RARG: variants seen among roughly 807,000 people sequenced by gnomAD.
RARG encodes RAR-gamma.
In RARG, 17 loss-of-function variants were observed where a neutral mutation model predicts 43.7. That is an observed-to-expected ratio of 0.39 (90% CI 0.27 to 0.58). The LOEUF is 0.58. Among genes scored for constraint, RARG ranks in the 20% least tolerant of loss-of-function variants. The probability of loss-of-function intolerance (pLI) is 0.57; values close to 1 mark genes in which losing one functional copy is unlikely to be tolerated. For synonymous variants in RARG, 238 were observed against 236.4 expected, an observed-to-expected ratio of 1.01 and a Z score of -0.06; for missense variants, 346 against 598.7, an observed-to-expected ratio of 0.58 and a Z score of 4.40.
Position 53,215,385 on chromosome 12 carries a change from C to T in RARG, c.383G>A (p.Arg128His), listed in dbSNP as rs141058411. 97 of 1,613,964 alleles carry T rather than the reference C, an allele frequency of 6.0e-5. No homozygotes were observed. Among genetic ancestry groups the T allele is most frequent in the Non-Finnish European group, 7.1e-5 (84 of 1,180,002 alleles). ...IQKNMVYTCH[R>H]DKNCIINKVT... ...CTTGTTGATGATACAGTTTTTGTCG[C>T]GGTGACACGTGTACACCATGTTCTT... Residue 128 changes from arginine (R) to histidine (H), a missense_variant, in exon 5 of 10, where the codon CGC becomes CAC. Arg to His is a conservative substitution (Grantham distance 29, BLOSUM62 0). Transcript: ENST00000425354. This position sits in a 1 kb window ranked among gnomAD's most constrained non-coding sequence, Gnocchi z 6.4.
chr12:53,218,502 A>C (rs1942842124), intron 3 of RARG, among the ~76,000 whole-genome samples: 1 of 152,142 alleles, frequency 6.6e-6, no homozygotes, highest in African/African-American at 2.4e-5. Context: ...ATGAGAGGAA[A>C]GTTAAGAATT....
In RARG at chr12:53,213,833, G is replaced by A; in HGVS notation, c.814-133C>T. ...CAGGCATGGAGAAGGCAGAGGTGGAGGATCTGAGGCTTGGCAGGGGTAGTC... is the reference window on the plus strand; with the variant it reads ...CAGGCATGGAGAAGGCAGAGGTGGAAGATCTGAGGCTTGGCAGGGGTAGTC... On this transcript the variant is annotated intron_variant, in intron 7 of 9. Coordinates refer to ENST00000425354, the MANE Select transcript of RARG (RefSeq NM_000966.6). The surrounding 1 kb of genome is among the most constrained non-coding windows in gnomAD (Gnocchi z 4.7). 1 of 1,144,946 alleles carries A rather than the reference G, an allele frequency of 8.7e-7. No homozygotes were observed. The highest frequency in any genetic ancestry group is 2.4e-5 in the East Asian group (1 of 41,604). 70.9% of individuals were successfully genotyped at this position (1,144,946 alleles called of 1,614,324 possible).
At chr12:53,225,905 G>A (rs1005728144) in intron 3 of RARG, among the ~76,000 whole-genome samples, 13 of 152,228 alleles carry the variant, frequency 8.5e-5, no homozygotes, top group African/African-American at 2.9e-4. Flanking sequence ...GACCTGCAGG[G>A]AGAGGAGGAG....
rs145437117 is a variant in RARG at position 53,220,423 on chromosome 12, G to A, written c.185-4629C>T. ...TGGGGGGTGGGGCTTGGAGAGCGAA[G>A]GGGGCCGGGCACCGAGATGAGCAAA... On this transcript the variant is annotated intron_variant, in intron 3 of 9. Coordinates refer to ENST00000425354, the MANE Select transcript of RARG (RefSeq NM_000966.6). The A allele has an allele frequency of 1.3e-3, 865 of 661,290 alleles. 11 individuals carry two copies. In the African/African-American group the frequency reaches 0.016, roughly 12 times the overall value. 41.0% of individuals were successfully genotyped at this position (661,290 alleles called of 1,614,324 possible).
In RARG at chr12:53,211,493, G is replaced by T. The variant is rs903289047; in HGVS notation, c.*183C>A. Reference sequence around the variant, plus strand: ...GGCCCCCGGGACTGGCGAGGGAGCCGGTTAGATCAGGAAGGGGATGAACAC... The same window carrying T: ...GGCCCCCGGGACTGGCGAGGGAGCCTGTTAGATCAGGAAGGGGATGAACAC... On this transcript the variant is annotated 3_prime_UTR_variant, in exon 10 of 10. Transcript: ENST00000425354. This position sits in a 1 kb window ranked among gnomAD's most constrained non-coding sequence, Gnocchi z 4.6. The T allele has an allele frequency of 1.9e-6, 1 of 517,172 alleles. No individual in the cohort carries two copies. The highest frequency in any genetic ancestry group is 2.0e-5 in the African/African-American group (1 of 50,210). The allele number at this position is 517,172 out of a possible 1,614,324, so 32.0% of individuals were successfully genotyped here.
chr12:53,218,142 A>T lies in RARG; in HGVS notation c.185-2348T>A, dbSNP rs952550765. Among the ~76,000 whole-genome samples, 4 of 152,142 alleles carry T rather than the reference A, an allele frequency of 2.6e-5. No homozygotes were observed. In the South Asian group the frequency reaches 6.2e-4, roughly 24 times the overall value. On this transcript the variant is annotated intron_variant, in intron 3 of 9. Transcript: ENST00000425354. ...CACAAGGGAACAGCCCTACCACCAG[A>T]CAAACACCCCAGCCTGCCAACGCAG...
chr12:53,220,371 CTTTTTTAAAAGCGAAG>C, intron 3 of RARG: 2 of 1,177,000 alleles, frequency 1.7e-6, no homozygotes, highest in African/African-American at 1.9e-5. Flanking sequence ...CTGGGGAGAC[CTTTTTTAAAAGCGAAG>C]CCTGGAGGGG....
At position 53,213,263 on chromosome 12, in the gene RARG, G is replaced by C; in HGVS notation, c.1019-20C>G. 1 of 1,544,078 alleles carries C rather than the reference G, an allele frequency of 6.5e-7. No homozygotes were observed. ...TGCGGTCTATGGGGACAAGTATACT[G>C]GAGTGAGAGGGGAAGGAAGAGATGG... On this transcript the variant is annotated intron_variant, in intron 8 of 9. Transcript: ENST00000425354. The surrounding 1 kb of genome is among the most constrained non-coding windows in gnomAD (Gnocchi z 4.7).
chr12:53,218,797 G>A (rs1592436193), intron 3 of RARG, among the ~76,000 whole-genome samples: 1 of 139,036 alleles, frequency 7.2e-6, no homozygotes, highest in African/African-American at 2.6e-5. Flanking sequence ...CCGCCGCCCC[G>A]CCCGCTGCCC....
chr12:53,224,013 T>C (rs1179958288), intron 3 of RARG, among the ~76,000 whole-genome samples: 1 of 152,142 alleles, frequency 6.6e-6, no homozygotes, highest in Non-Finnish European at 1.5e-5. Flanking sequence ...TCACACTCTG[T>C]TCCCTATAGA....
At position 53,215,045 on chromosome 12, in the gene RARG, G is replaced by A. The variant is rs889326058; in HGVS notation, c.475+248C>T. Reference sequence around the variant, plus strand: ...GGCTTCATTTCCCCCATGAAACAGGGGGAATGTGAGACCCTACTTATTCAC... The same window carrying A: ...GGCTTCATTTCCCCCATGAAACAGGAGGAATGTGAGACCCTACTTATTCAC... On this transcript the variant is annotated intron_variant, in intron 5 of 9. Coordinates refer to ENST00000425354, the MANE Select transcript of RARG (RefSeq NM_000966.6). The surrounding 1 kb of genome is among the most constrained non-coding windows in gnomAD (Gnocchi z 6.4). Among the ~76,000 whole-genome samples, 9 of 152,328 alleles carry A rather than the reference G, an allele frequency of 5.9e-5. No homozygotes were observed. Among genetic ancestry groups the A allele is most frequent in the African/African-American group, 1.7e-4 (7 of 41,576 alleles).
intron 3 of RARG, among the ~76,000 whole-genome samples, chr12:53,225,341 G>A (rs1268739004): frequency 5.3e-5 from 8 of 152,140 alleles, no homozygotes; most frequent in Non-Finnish European, 8.8e-5. Context: ...TCCTCACACT[G>A]ACTCTTTGTT....
In RARG at chr12:53,215,315, G is replaced by A. The variant is rs775669227; in HGVS notation, c.453C>T (p.Phe151=). 11 of 1,614,106 alleles carry A rather than the reference G, an allele frequency of 6.8e-6. No homozygotes were observed. The highest frequency in any genetic ancestry group is 1.1e-5 in the South Asian group (1 of 91,084). Reference sequence around the variant, plus strand: ...TACCTTCCTTGGACATGCCCACTTCGAAGCACTTCTGTAGCCGGCAGTACT... The same window carrying A: ...TACCTTCCTTGGACATGCCCACTTCAAAGCACTTCTGTAGCCGGCAGTACT... ...RCQYCRLQKC[F]EVGMSKEAVR... Residue 151 remains phenylalanine (F), a synonymous_variant, in exon 5 of 10, where the codon TTC becomes TTT. Transcript: ENST00000425354. This position sits in a 1 kb window ranked among gnomAD's most constrained non-coding sequence, Gnocchi z 6.4.
Position 53,211,752 on chromosome 12 carries a change from C to A in RARG, c.1289G>T (p.Gly430Val). ...EMFEDDSSQPGPHPNASSEDE... is the reference protein window; with the variant it reads ...EMFEDDSSQPVPHPNASSEDE... ...CTCGCTAGAGGCATTGGGGTGGGGA[C>A]CAGGCTGCGAGGAGTCATCCTCAAA... The change falls in exon 10 of 10, where the codon GGT (glycine) becomes GTT (valine). Residue 430 changes from glycine (G) to valine (V), a missense_variant. Around this residue, in one of 8 missense-constraint regions of RARG, gnomAD observed 40 missense variants for 44.6 expected, o/e 0.90. Transcript: ENST00000425354. The surrounding 1 kb of genome is among the most constrained non-coding windows in gnomAD (Gnocchi z 4.6). The A allele has an allele frequency of 6.4e-7, 1 of 1,568,526 alleles. No homozygotes were observed. The highest frequency in any genetic ancestry group is 1.2e-5 in the South Asian group (1 of 85,472).
chr12:53,211,965 G>GCAGTT lies in RARG; in HGVS notation c.1178-103_1178-102insAACTG. On this transcript the variant is annotated intron_variant, in intron 9 of 9. Coordinates refer to ENST00000425354, the MANE Select transcript of RARG (RefSeq NM_000966.6). The surrounding 1 kb of genome is among the most constrained non-coding windows in gnomAD (Gnocchi z 4.6). ...TCAACTGCCCCTGACTCCCCTAGGGGGCGCCCAGCACAGGCCCACCACCTC... is the reference window on the plus strand; with the variant it reads ...TCAACTGCCCCTGACTCCCCTAGGGGCAGTTGCGCCCAGCACAGGCCCACCACCTC... 3.1e-6 allele frequency: 3 copies of GCAGTT among 952,748 alleles called. No homozygotes were observed. The highest frequency in any genetic ancestry group is 4.2e-6 in the Non-Finnish European group (3 of 709,688). The allele number at this position is 952,748 out of a possible 1,614,324, so 59.0% of individuals were successfully genotyped here. A position where few individuals can be genotyped will look rare whatever the true frequency, so the allele number is the denominator to read the frequency against.
Position 53,211,632 on chromosome 12 carries a change from G to T in RARG, c.*44C>A. 1 of 1,386,454 alleles carries T rather than the reference G, an allele frequency of 7.2e-7. No homozygotes were observed. The highest frequency in any genetic ancestry group is 9.4e-7 in the Non-Finnish European group (1 of 1,061,068). 85.9% of individuals were successfully genotyped at this position (1,386,454 alleles called of 1,614,324 possible). On this transcript the variant is annotated 3_prime_UTR_variant, in exon 10 of 10. Coordinates refer to ENST00000425354, the MANE Select transcript of RARG (RefSeq NM_000966.6). The surrounding 1 kb of genome is among the most constrained non-coding windows in gnomAD (Gnocchi z 4.6). ...CGGTCTGGGAGATGGTCAGTCTGCT[G>T]CCTGAAGCCCCAACCCCCACAGCGG...
rs193277537 is a variant in RARG, at chr12:53,221,967, A to G, written c.184+5395T>C. Among the ~76,000 whole-genome samples the G allele has an allele frequency of 8.4e-3, 1,258 of 149,948 alleles. 14 individuals are homozygous for G. Among genetic ancestry groups the G allele is most frequent in the Admixed American group, 0.039 (594 of 15,142 alleles). On this transcript the variant is annotated intron_variant, in intron 3 of 9. Transcript: ENST00000425354. ...GGAGTGGGGCGCCTGTTGGAAGAAT[A>G]AAGGGCAGGAAGGGGTGCCAGAGTA...
chr12:53,221,769 C>A (rs933489740), intron 3 of RARG, among the ~76,000 whole-genome samples: 7 of 151,616 alleles, frequency 4.6e-5, no homozygotes, highest in Non-Finnish European at 7.4e-5. Flanking sequence ...CCGGGCCGCC[C>A]GGCCTGCCTG....
intron 3 of RARG, among the ~76,000 whole-genome samples, chr12:53,223,278 G>A (rs1943022062): frequency 6.6e-6 from 1 of 152,248 alleles, no homozygotes; most frequent in South Asian, 2.1e-4. Flanking sequence ...GCATTTCAAA[G>A]TAAAGCAGGC....
Sources: allele counts gnomAD v4.1 joint callset (sites outside exome capture counted in the v4.1 genomes callset), GRCh38; gene constraint gnomAD v4.1.1; regional missense constraint gnomAD v4.1.1; non-coding constraint Gnocchi (gnomAD v3.1); transcripts MANE v1.5; gene names NCBI Gene and HGNC (gene_info 2026-07-23, HGNC 2026-07-21).